INPP4B: variants seen among roughly 807,000 people sequenced by gnomAD.
The protein encoded by INPP4B is inositol polyphosphate 4-phosphatase type II.
Under a neutral mutation model 122.5 loss-of-function variants are expected in INPP4B, and 55 were observed. That is an observed-to-expected ratio of 0.45 (90% confidence interval 0.36 to 0.56). The LOEUF (loss-of-function observed/expected upper bound fraction) is 0.56. Among genes scored for constraint, INPP4B ranks in the 20% least tolerant of loss-of-function variants. INPP4B has a pLI of 0.00. For synonymous variants in INPP4B, 403 were observed against 388.7 expected (o/e 1.04, Z -0.43); for missense variants, 1,000 against 1,097.7 (o/e 0.91, Z 1.26).
At chr4:142,205,608 T>C (rs1207176511) in intron 14 of INPP4B, among the ~76,000 whole-genome samples, 1 of 152,176 alleles carries the variant, frequency 6.6e-6, no homozygotes, top group African/African-American at 2.4e-5. Context: ...TATCATTCTA[T>C]GTGTTTTACA....
intron 1 of INPP4B, among the ~76,000 whole-genome samples, chr4:142,726,516 C>T (rs1765368208): frequency 6.6e-6 from 1 of 152,102 alleles, no homozygotes; most frequent in South Asian, 2.1e-4. Context: ...ATATCTTATT[C>T]CCTGCCTTAA....
At chr4:142,208,568 T>A in intron 13 of INPP4B, 39 bp from the exon 14 acceptor site, 3 of 1,121,616 alleles carry the variant, frequency 2.7e-6, no homozygotes, top group Non-Finnish European at 3.9e-6. Flanking sequence ...TAGTAAATAA[T>A]GATAAATTAA....
chr4:142,170,645 T>TGAAGCACTTATAA (rs1283285104), intron 16 of INPP4B, among the ~76,000 whole-genome samples: 2 of 151,782 alleles, frequency 1.3e-5, no homozygotes, highest in Non-Finnish European at 2.9e-5. Flanking sequence ...CTCATGGAAC[T>TGAAGCACTTATAA]CTGAAAATTG....
chr4:142,465,290 C>G (rs781475582), intron 2 of INPP4B, among the ~76,000 whole-genome samples: 1 of 152,090 alleles, frequency 6.6e-6, no homozygotes, highest in African/African-American at 2.4e-5. Context: ...CAGCTCCCAT[C>G]ATGTAGCAAG....
chr4:142,431,148 G>A (rs2149372877), intron 4 of INPP4B, 21 bp downstream of exon 4: 1 of 1,579,506 alleles, frequency 6.3e-7, no homozygotes, highest in Non-Finnish European at 8.7e-7. Context: ...CAAAAACAGG[G>A]AGGGATACAC....
intron 2 of INPP4B, among the ~76,000 whole-genome samples, chr4:142,692,559 G>C (rs2150728113): frequency 6.6e-6 from 1 of 152,262 alleles, no homozygotes; most frequent in East Asian, 1.9e-4. Context: ...TTGTTGGAAA[G>C]GTTAAATTAA....
chr4:142,149,034 C>T (rs946467880), intron 17 of INPP4B, among the ~76,000 whole-genome samples: 9 of 152,238 alleles, frequency 5.9e-5, no homozygotes, highest in African/African-American at 2.2e-4. Context: ...TGCTGCCTAT[C>T]TGGTGGTGAG....
At chr4:142,748,120 C>T (rs914400223) in intron 1 of INPP4B, among the ~76,000 whole-genome samples, 60 of 151,698 alleles carry the variant, frequency 4.0e-4, no homozygotes, top group African/African-American at 1.4e-3. Flanking sequence ...TAGAAAAAGC[C>T]CAAATAATTA....
chr4:142,615,698 C>A (rs1366962399), intron 2 of INPP4B, among the ~76,000 whole-genome samples: 1 of 152,078 alleles, frequency 6.6e-6, no homozygotes, highest in African/African-American at 2.4e-5. Context: ...TACGTCTGAC[C>A]TCCCTTCCCA....
At chr4:142,080,751 T>A (rs1006197583) in intron 25 of INPP4B, among the ~76,000 whole-genome samples, 23 of 152,152 alleles carry the variant, frequency 1.5e-4, no homozygotes, top group Non-Finnish European at 3.1e-4. Flanking sequence ...CCTAAATCAG[T>A]TTAGTCCCAT....
intron 2 of INPP4B, among the ~76,000 whole-genome samples, chr4:142,548,054 T>A (rs1476121): frequency 2.0e-5 from 3 of 152,158 alleles, no homozygotes; most frequent in Admixed American, 6.6e-5. Context: ...ACACTTGAGG[T>A]GGGAAAATAG....
chr4:142,456,368 TAC>T (rs1176599100), intron 3 of INPP4B, among the ~76,000 whole-genome samples: 1 of 152,048 alleles, frequency 6.6e-6, no homozygotes, highest in African/African-American at 2.4e-5. Flanking sequence ...CTTATGAATA[TAC>T]AGTTTTTCCA....
chr4:142,720,770 T>TATATA (rs1361436730), intron 2 of INPP4B, among the ~76,000 whole-genome samples: 326 of 10,480 alleles, frequency 0.031, 12 homozygotes, highest in African/African-American at 0.1. Context: ...AATCTCTCTC[T>TATATA]CTCTCTCTCT....
At chr4:142,302,046 C>T (rs2151136624) in intron 9 of INPP4B, among the ~76,000 whole-genome samples, 1 of 152,196 alleles carries the variant, frequency 6.6e-6, no homozygotes, top group Admixed American at 6.5e-5. Flanking sequence ...CCAAAAATTA[C>T]ATCAGGTTGG....
chr4:142,287,680 G>C (rs1754419192), intron 9 of INPP4B: 1 of 152,088 alleles, frequency 6.6e-6, no homozygotes, highest in African/African-American at 2.4e-5. Flanking sequence ...TGGCAACAGT[G>C]ATAATTTTAA....
chr4:142,524,189 G>A (rs1483804499), intron 2 of INPP4B, among the ~76,000 whole-genome samples: 1 of 152,000 alleles, frequency 6.6e-6, no homozygotes, highest in Non-Finnish European at 1.5e-5. Flanking sequence ...GGGATGGCTG[G>A]GTCAAATGGT....
At chr4:142,826,502 AC>A (rs1381410320) in intron 1 of INPP4B, among the ~76,000 whole-genome samples, 2 of 146,724 alleles carry the variant, frequency 1.4e-5, no homozygotes, top group African/African-American at 4.9e-5. Context: ...AAAATCACAC[AC>A]ACACACACAC....
intron 15 of INPP4B, among the ~76,000 whole-genome samples, chr4:142,185,866 A>G (rs1170568087): frequency 7.1e-6 from 1 of 141,622 alleles, no homozygotes; most frequent in Non-Finnish European, 1.5e-5. Context: ...GCGACAGAGC[A>G]AGACACCATC....
intron 24 of INPP4B, among the ~76,000 whole-genome samples, chr4:142,084,614 A>G (rs1279126124): frequency 2.6e-5 from 4 of 152,218 alleles, no homozygotes; most frequent in African/African-American, 9.6e-5. Flanking sequence ...ATTGAAACTG[A>G]GGCATTAGCT....
Sources: gnomAD v4.1 joint callset for allele counts (sites outside exome capture counted in the v4.1 genomes callset) on GRCh38, gnomAD v4.1.1 for gene constraint, MANE v1.5 for transcripts, NCBI Gene and HGNC (gene_info 2026-07-23, HGNC 2026-07-21) for gene names.